BCL11B: variants seen among roughly 807,000 people sequenced by gnomAD.
The protein encoded by BCL11B is B-cell lymphoma/leukemia 11B.
In BCL11B, 8 loss-of-function variants were observed where a neutral mutation model predicts 49.9. The ratio of observed to expected loss-of-function variants is 0.16; its 90% CI spans 0.09 to 0.29. The LOEUF (loss-of-function observed/expected upper bound fraction) is 0.29, where lower values mean the gene tolerates loss of function less well. BCL11B is among the 10% of genes least tolerant of loss of function. The probability of loss-of-function intolerance (pLI) is 1.00; values close to 1 mark genes in which losing one functional copy is unlikely to be tolerated. For missense variants in BCL11B, 1,006 were observed against 1,351.0 expected (o/e 0.74, Z 4.00); for synonymous variants, 739 against 637.4 (o/e 1.16, Z -2.40).
chr14:99,252,659 C>T (rs181441691), intron 2 of BCL11B, among the ~76,000 whole-genome samples: 121 of 152,368 alleles, frequency 7.9e-4, no homozygotes, highest in African/African-American at 2.6e-3. Flanking sequence ...CCTGCCACCT[C>T]CAAGCCCAGA....
rs917175020 is a variant in BCL11B at position 99,271,532 on chromosome 14, G to A, written c.-314C>T. On this transcript the variant is annotated 5_prime_UTR_variant, in exon 1 of 4. Coordinates refer to ENST00000357195, the MANE Select transcript of BCL11B (RefSeq NM_138576.4). Reference sequence around the variant, plus strand: ...AAAAGAGGCAAAAAAAAAAAAAACTGCTGTTGCTTTCCGCGGACTGGCTGG... The same window carrying A: ...AAAAGAGGCAAAAAAAAAAAAAACTACTGTTGCTTTCCGCGGACTGGCTGG... 25 of 182,770 alleles carry A rather than the reference G, an allele frequency of 1.4e-4. No homozygotes were observed. The highest frequency in any genetic ancestry group is 3.9e-4 in the Admixed American group (6 of 15,298). 11.3% of individuals were successfully genotyped at this position (182,770 alleles called of 1,614,324 possible). A position where few individuals can be genotyped will look rare whatever the true frequency, so the allele number is the denominator to read the frequency against.
At chr14:99,244,029 C>T (rs941443217) in intron 2 of BCL11B, among the ~76,000 whole-genome samples, 2 of 150,228 alleles carry the variant, frequency 1.3e-5, no homozygotes, top group African/African-American at 2.4e-5. Flanking sequence ...GCCACTCAGG[C>T]GCAGAAAGTG....
chr14:99,187,141 G>A (rs1050731617), intron 3 of BCL11B, among the ~76,000 whole-genome samples: 2 of 152,258 alleles, frequency 1.3e-5, no homozygotes, highest in African/African-American at 2.4e-5. Flanking sequence ...TAGCCCAGGT[G>A]TGCAGTTTCA....
At chr14:99,225,428 T>C in intron 3 of BCL11B, among the ~76,000 whole-genome samples, 1 of 152,196 alleles carries the variant, frequency 6.6e-6, no homozygotes, top group Non-Finnish European at 1.5e-5. Context: ...CCTCTGCCAC[T>C]TTCCGAGTCC....
intron 3 of BCL11B, among the ~76,000 whole-genome samples, chr14:99,188,058 T>C (rs187448766): frequency 8.6e-4 from 131 of 152,306 alleles, no homozygotes; most frequent in African/African-American, 2.9e-3. Context: ...GTAATATATG[T>C]ATATTGTTCT....
At chr14:99,254,625 G>C (rs956427687) in intron 2 of BCL11B, among the ~76,000 whole-genome samples, 1 of 152,226 alleles carries the variant, frequency 6.6e-6, no homozygotes, top group African/African-American at 2.4e-5. Context: ...CCGCTCACCA[G>C]CTACTGGCCG....
Position 99,192,679 on chromosome 14 carries a change from A to G in BCL11B, c.641-16484T>C, listed in dbSNP as rs1887067652. Among the ~76,000 whole-genome samples the G allele has an allele frequency of 6.6e-6, 1 of 152,078 alleles. No individual in the cohort carries two copies. ...TGGGGCTGTGGGCCAGAAAGATCTGATTCTCCTGCTTCCTAGCCTTGGCTG... is the reference window on the plus strand; with the variant it reads ...TGGGGCTGTGGGCCAGAAAGATCTGGTTCTCCTGCTTCCTAGCCTTGGCTG... On this transcript the variant is annotated intron_variant, in intron 3 of 3. Transcript: ENST00000357195. The surrounding 1 kb of genome is among the most constrained non-coding windows in gnomAD (Gnocchi z 4.0).
chr14:99,175,141 G>A lies in BCL11B; in HGVS notation c.1695C>T (p.Asn565=), dbSNP rs1431061607. The change falls in exon 4 of 4, where the codon AAC becomes AAT. Residue 565 remains asparagine (N), a synonymous_variant. Coordinates refer to ENST00000357195, the MANE Select transcript of BCL11B (RefSeq NM_138576.4). The part of the protein sequence containing the change: ...SFSMDSELSR[N]RENGGGGVPG... The stretch of plus-strand genomic sequence containing the variant: ...GCACCCCACCACCGCCGTTCTCGCG[G>A]TTGCGGCTCAGCTCCGAGTCCATGC... 3 of 1,596,286 alleles carry A rather than the reference G, an allele frequency of 1.9e-6. No homozygotes were observed. The highest frequency in any genetic ancestry group is 2.7e-5 in the African/African-American group (2 of 74,698).
chr14:99,178,413 C>A (rs910230738), intron 3 of BCL11B, among the ~76,000 whole-genome samples: 56 of 152,324 alleles, frequency 3.7e-4, no homozygotes, highest in African/African-American at 1.3e-3. Context: ...GAGGGGAAAC[C>A]TCCCCACCTA....
chr14:99,224,364 A>C (rs1888100162), intron 3 of BCL11B, among the ~76,000 whole-genome samples: 1 of 152,024 alleles, frequency 6.6e-6, no homozygotes, highest in African/African-American at 2.4e-5. Flanking sequence ...AGGGTGGGGG[A>C]GTGCCTCTTC....
Position 99,248,376 on chromosome 14 carries a change from C to T in BCL11B, c.427+9095G>A, listed in dbSNP as rs914548117. ...CTTGCAAGTCCTGATCACACCCTCC[C>T]CTGAGGAGGCTCCCACTCCCTGTGT... On this transcript the variant is annotated intron_variant, in intron 2 of 3. Transcript: ENST00000357195. This position sits in a 1 kb window ranked among gnomAD's most constrained non-coding sequence, Gnocchi z 4.7. Among the ~76,000 whole-genome samples, 1 of 152,224 alleles carries T rather than the reference C, an allele frequency of 6.6e-6. No individual in the cohort carries two copies. The highest frequency in any genetic ancestry group is 1.5e-5 in the Non-Finnish European group (1 of 68,038).
At chr14:99,185,114 G>A (rs1422688473) in intron 3 of BCL11B, among the ~76,000 whole-genome samples, 1 of 152,148 alleles carries the variant, frequency 6.6e-6, no homozygotes, top group Non-Finnish European at 1.5e-5. Context: ...AGTGACTTTT[G>A]AGTACCTGGG....
In BCL11B at chr14:99,248,425, C is replaced by T. The variant is rs1174301457; in HGVS notation, c.427+9046G>A. ...GTGCCCAGAGGTCACTGGCCGCCCC[C>T]AGCAGGCTCTGGGCCAGGGTGGGTC... On this transcript the variant is annotated intron_variant, in intron 2 of 3. Transcript: ENST00000357195. This position sits in a 1 kb window ranked among gnomAD's most constrained non-coding sequence, Gnocchi z 4.7. Among the ~76,000 whole-genome samples the T allele has an allele frequency of 6.6e-6, 1 of 152,178 alleles. No homozygotes were observed. Among genetic ancestry groups the T allele is most frequent in the Non-Finnish European group, 1.5e-5 (1 of 68,044 alleles).
At chr14:99,267,035 A>T (rs1889503431) in intron 1 of BCL11B, among the ~76,000 whole-genome samples, 1 of 152,058 alleles carries the variant, frequency 6.6e-6, no homozygotes, top group South Asian at 2.1e-4. Flanking sequence ...TCTCAAATGC[A>T]CCCAAAGTTG....
At chr14:99,265,885 T>A (rs979748849) in intron 1 of BCL11B, among the ~76,000 whole-genome samples, 1 of 152,238 alleles carries the variant, frequency 6.6e-6, no homozygotes, top group Non-Finnish European at 1.5e-5. Flanking sequence ...TGCTCATATA[T>A]TGAACTCTAG....
Position 99,174,839 on chromosome 14 carries a change from G to A in BCL11B, c.1997C>T (p.Pro666Leu). Residue 666 changes from proline (P) to leucine (L), a missense_variant, in exon 4 of 4, where the codon CCC becomes CTC. Pro to Leu is a moderately conservative substitution (Grantham distance 98). Around this residue, in one of 6 missense-constraint regions of BCL11B, gnomAD observed 443 missense variants for 499.7 expected, o/e 0.89. Transcript: ENST00000357195. Reference sequence around the variant, plus strand: ...CGCGGGCTTGCGCGGGAAGAGCCCGGGGAAGGGCTCGGTGCCTGGCGCGAA... The same window carrying A: ...CGCGGGCTTGCGCGGGAAGAGCCCGAGGAAGGGCTCGGTGCCTGGCGCGAA... ...GGFAPGTEPF[P>L]GLFPRKPAPL... is the part of the protein sequence containing the mutation. The A allele has an allele frequency of 7.6e-7, 1 of 1,322,064 alleles. No homozygotes were observed. Among genetic ancestry groups the A allele is most frequent in the Non-Finnish European group, 9.6e-7 (1 of 1,036,492 alleles). The allele number at this position is 1,322,064 out of a possible 1,614,324, so 81.9% of individuals were successfully genotyped here.
In BCL11B at chr14:99,228,303, CA is replaced by C. The variant is rs1888216180; in HGVS notation, c.640+3041del. On this transcript the variant is annotated intron_variant, in intron 3 of 3. Coordinates refer to ENST00000357195, the MANE Select transcript of BCL11B (RefSeq NM_138576.4). This position sits in a 1 kb window ranked among gnomAD's most constrained non-coding sequence, Gnocchi z 4.8. Reference sequence around the variant, plus strand: ...TAAACAGGCACTAAAAACACTTAAGCAAACAGCCCAGTGCCAGGGACACAAA... The same window carrying C: ...TAAACAGGCACTAAAAACACTTAAGCAACAGCCCAGTGCCAGGGACACAAA... Among the ~76,000 whole-genome samples the C allele has an allele frequency of 6.6e-6, 1 of 152,156 alleles. No homozygotes were observed. The highest frequency in any genetic ancestry group is 1.5e-5 in the Non-Finnish European group (1 of 68,034).
chr14:99,260,779 T>G (rs560313302), intron 1 of BCL11B, among the ~76,000 whole-genome samples: 27 of 152,200 alleles, frequency 1.8e-4, no homozygotes, highest in South Asian at 1.2e-3. Context: ...CCAAAGCCGT[T>G]TGCTGTGCTG....
In BCL11B at chr14:99,173,320, G is replaced by A. The variant is rs983175969; in HGVS notation, c.*831C>T. The A allele has an allele frequency of 4.5e-6, 1 of 221,916 alleles. No homozygotes were observed. The highest frequency in any genetic ancestry group is 2.2e-5 in the African/African-American group (1 of 44,578). 13.7% of individuals were successfully genotyped at this position (221,916 alleles called of 1,614,324 possible). The stretch of plus-strand genomic sequence containing the variant: ...AATGCTGTCGGGCCATTTCCCAGAG[G>A]AGCCCTCCAAAAACCCTATCTCTGG... On this transcript the variant is annotated 3_prime_UTR_variant, in exon 4 of 4. Coordinates refer to ENST00000357195, the MANE Select transcript of BCL11B (RefSeq NM_138576.4).
Sources: allele counts gnomAD v4.1 joint callset (sites outside exome capture counted in the v4.1 genomes callset), GRCh38; gene constraint gnomAD v4.1.1; regional missense constraint gnomAD v4.1.1; non-coding constraint Gnocchi (gnomAD v3.1); transcripts MANE v1.5; gene names NCBI Gene and HGNC (gene_info 2026-07-23, HGNC 2026-07-21).